The following ZNF445 variants were observed in gnomAD, a reference collection of about 807,000 sequenced individuals.
The protein encoded by ZNF445 is zinc finger protein 445.
In ZNF445, 19 loss-of-function variants were observed where a neutral mutation model predicts 93.9. The ratio of observed to expected loss-of-function variants is 0.20; its 90% confidence interval spans 0.14 to 0.30. ZNF445 has a LOEUF of 0.30. Ranked by LOEUF, ZNF445 falls within the 10% of genes least tolerant of loss-of-function variation. ZNF445 has a pLI of 1.00. For missense variants in ZNF445, 1,058 were observed against 1,259.4 expected, an observed-to-expected ratio of 0.84 and a Z score of 2.42; for synonymous variants, 449 against 446.3, an observed-to-expected ratio of 1.01 and a Z score of -0.08.
Position 44,431,776 on chromosome 3 carries a change from G to A in ZNF445, c.*14799C>T, listed in dbSNP as rs184729906. 179 of 152,060 alleles carry A rather than the reference G, an allele frequency of 1.2e-3. No individual in the cohort carries two copies. Among genetic ancestry groups the A allele is most frequent in the African/African-American group, 4.1e-3 (171 of 41,478 alleles). 9.4% of individuals were successfully genotyped at this position (152,060 alleles called of 1,614,324 possible). On this transcript the variant is annotated 3_prime_UTR_variant, in exon 8 of 8. Coordinates refer to ENST00000396077, the MANE Select transcript of ZNF445 (RefSeq NM_181489.6). Reference sequence around the variant, plus strand: ...CTATAAAGTACAAAAACAGGCAAAAGTAAACCATATTTAAAGATGTCTATA... The same window carrying A: ...CTATAAAGTACAAAAACAGGCAAAAATAAACCATATTTAAAGATGTCTATA...
chr3:44,451,101 G>T, intron 4 of ZNF445, 139 bp from the exon 5 acceptor site: 1 of 995,070 alleles, frequency 1.0e-6, no homozygotes, highest in Non-Finnish European at 1.5e-6. Flanking sequence ...CATGTCCTCA[G>T]TCTACTGGGG....
At chr3:44,449,423 T>C (rs1697927826) in intron 7 of ZNF445, 90 bp downstream of exon 7, 2 of 1,071,942 alleles carry the variant, frequency 1.9e-6, no homozygotes, top group Non-Finnish European at 2.9e-6. Flanking sequence ...CAGCAAACAA[T>C]GGAGTAAATT....
Position 44,448,112 on chromosome 3 carries a change from T to G in ZNF445, c.1559A>C (p.Lys520Thr). The G allele has an allele frequency of 6.2e-7, 1 of 1,613,966 alleles. No individual in the cohort carries two copies. The highest frequency in any genetic ancestry group is 1.1e-5 in the South Asian group (1 of 91,082). Residue 520 changes from lysine (K) to threonine (T), a missense_variant, in exon 8 of 8, where the codon AAA becomes ACA. Transcript: ENST00000396077. ...EKAFKCRVCG[K>T]AFRWSSNCAR... ...ACAGTTGGAACTCCACCGGAAGGCTTTCCCACACACCCTACATTTAAATGC... is the reference window on the plus strand; with the variant it reads ...ACAGTTGGAACTCCACCGGAAGGCTGTCCCACACACCCTACATTTAAATGC...
chr3:44,471,367 T>C lies in ZNF445; in HGVS notation c.-269+6224A>G, dbSNP rs1187327397. Among the ~76,000 whole-genome samples the C allele has an allele frequency of 2.6e-5, 4 of 152,186 alleles. No individual in the cohort carries two copies. The East Asian group carries it at 5.8e-4, about 22-fold the overall frequency. ...ACTGAACTGACAAACTAAAGACTCA[T>C]GAGAGAAGAACTGGAGTGTCTACAA... On this transcript the variant is annotated intron_variant, in intron 1 of 7. Transcript: ENST00000396077.
intron 2 of ZNF445, among the ~76,000 whole-genome samples, chr3:44,458,038 G>C (rs1365323250): frequency 7.3e-6 from 1 of 137,920 alleles, no homozygotes; most frequent in Non-Finnish European, 1.5e-5. Context: ...AAAAGGATCA[G>C]ACTTAAACGT....
intron 6 of ZNF445, 65 bp downstream of exon 6, chr3:44,450,382 G>C (rs1697940199): frequency 6.2e-7 from 1 of 1,607,352 alleles, no homozygotes; most frequent in East Asian, 2.2e-5. Context: ...TTTCTATGCA[G>C]CACAGAACAA....
intron 1 of ZNF445, among the ~76,000 whole-genome samples, chr3:44,473,285 T>C (rs1196888915): frequency 6.6e-6 from 1 of 151,798 alleles, no homozygotes; most frequent in Non-Finnish European, 1.5e-5. Context: ...AGAAACCCCG[T>C]CTCTACTAAA....
Position 44,448,316 on chromosome 3 carries a change from C to T in ZNF445, c.1355G>A (p.Ser452Asn). Residue 452 changes from serine (S) to asparagine (N), a missense_variant, in exon 8 of 8, where the codon AGT (serine) becomes AAT (asparagine). Transcript: ENST00000396077. ...GTCCTTTTTGTTCCCTTTCAGTCCA[C>T]TATGAATTCTCTGATGTAGGCTGAA... ...GGFSLHQRIH[S>N]GLKGNKKDVC... 6.2e-7 allele frequency: 1 copy of T among 1,614,184 alleles called. No individual in the cohort carries two copies. Among genetic ancestry groups the T allele is most frequent in the Non-Finnish European group, 8.5e-7 (1 of 1,180,036 alleles).
rs1273143673 is a variant in ZNF445 at position 44,447,008 on chromosome 3, C to T, written c.2663G>A (p.Arg888Lys). The T allele has an allele frequency of 1.2e-6, 2 of 1,614,214 alleles. No homozygotes were observed. The change falls in exon 8 of 8, where the codon AGG (arginine) becomes AAG (lysine). Residue 888 changes from arginine (R) to lysine (K), a missense_variant. Arg to Lys is a conservative substitution (Grantham distance 26, BLOSUM62 2). Coordinates refer to ENST00000396077, the MANE Select transcript of ZNF445 (RefSeq NM_181489.6). The surrounding 1 kb of genome is among the most constrained non-coding windows in gnomAD (Gnocchi z 4.7). ...GAAAGGTCTCTCTGTAGAGTGGATC[C>T]TCTGATGGTTAACAAGGCGATAGTT... ...DRNYRLVNHQRIHSTERPFKC... is the reference protein window; with the variant it reads ...DRNYRLVNHQKIHSTERPFKC...
rs754050204 is a variant in ZNF445 at position 44,448,197 on chromosome 3, T to C, written c.1474A>G (p.Arg492Gly). The change falls in exon 8 of 8, where the codon AGG (arginine) becomes GGG (glycine). Residue 492 changes from arginine to glycine, a missense_variant. Physicochemically the swap from Arg to Gly is moderately radical, Grantham distance 125. This residue lies in a region of ZNF445 where 657 missense variants were observed against 746.4 expected (regional missense o/e 0.88). Coordinates refer to ENST00000396077, the MANE Select transcript of ZNF445 (RefSeq NM_181489.6). ...GVSFKCSDCG[R>G]TFSHSSHLAY... ...AGATGGGAGCTATGACTGAAAGTCCTTCCACAGTCACTGCACTTAAATGAC... is the reference window on the plus strand; with the variant it reads ...AGATGGGAGCTATGACTGAAAGTCCCTCCACAGTCACTGCACTTAAATGAC... The C allele has an allele frequency of 3.7e-6, 6 of 1,614,116 alleles. No homozygotes were observed. The highest frequency in any genetic ancestry group is 5.1e-6 in the Non-Finnish European group (6 of 1,180,054).
Position 44,448,828 on chromosome 3 carries a change from G to A in ZNF445, c.932-89C>T, listed in dbSNP as rs572543027. The A allele has an allele frequency of 1.1e-4, 159 of 1,468,952 alleles. 1 individual carries two copies. The East Asian group carries it at 3.8e-3, about 35-fold the overall frequency. 91.0% of individuals were successfully genotyped at this position (1,468,952 alleles called of 1,614,324 possible). ...CAAAGGGCAATAAAATGTCTGGGTG[G>A]TGAGGCTTTTGCCTGACTGCCAATA... On this transcript the variant is annotated intron_variant, in intron 7 of 7. Coordinates refer to ENST00000396077, the MANE Select transcript of ZNF445 (RefSeq NM_181489.6).
chr3:44,457,123 C>T (rs1698038944), intron 2 of ZNF445, among the ~76,000 whole-genome samples: 4 of 152,076 alleles, frequency 2.6e-5, no homozygotes, highest in South Asian at 2.1e-4. Flanking sequence ...GGTAACAGAG[C>T]GAGACTCCAT....
chr3:44,465,669 T>A (rs753131384), intron 1 of ZNF445, among the ~76,000 whole-genome samples: 1 of 152,168 alleles, frequency 6.6e-6, no homozygotes, highest in African/African-American at 2.4e-5. Flanking sequence ...TCCTAGCACT[T>A]TGGGAGGCTG....
At position 44,434,023 on chromosome 3, in the gene ZNF445, C is replaced by T. The variant is rs572427328; in HGVS notation, c.*12552G>A. The T allele has an allele frequency of 2.2e-4, 33 of 152,148 alleles. No individual in the cohort carries two copies. Among genetic ancestry groups the T allele is most frequent in the African/African-American group, 8.0e-4 (33 of 41,506 alleles). The allele number at this position is 152,148 out of a possible 1,614,324, so 9.4% of individuals were successfully genotyped here. On this transcript the variant is annotated 3_prime_UTR_variant, in exon 8 of 8. Transcript: ENST00000396077. Reference sequence around the variant, plus strand: ...CCTTTGGAAAACAGTTTGGCATTTCCCCAAAATGTTAAATGTGGAATTATG... The same window carrying T: ...CCTTTGGAAAACAGTTTGGCATTTCTCCAAAATGTTAAATGTGGAATTATG...
intron 3 of ZNF445, 113 bp downstream of exon 3, chr3:44,455,008 G>A: frequency 7.6e-7 from 1 of 1,318,012 alleles, no homozygotes; most frequent in Non-Finnish European, 1.1e-6. Context: ...AGAAAGGAAG[G>A]CTTCCCCTGC....
chr3:44,447,834 G>C lies in ZNF445; in HGVS notation c.1837C>G (p.Leu613Val), dbSNP rs778720634. 6.2e-7 allele frequency: 1 copy of C among 1,614,104 alleles called. No individual in the cohort carries two copies. Reference protein sequence around the residue: ...RKSFHCKSYVLEHQRIHTQEK... With the variant: ...RKSFHCKSYVVEHQRIHTQEK... Reference sequence around the variant, plus strand: ...TGGGTGTGAATCCTTTGATGTTCAAGAACATATGACTTACAGTGGAAGGAT... The same window carrying C: ...TGGGTGTGAATCCTTTGATGTTCAACAACATATGACTTACAGTGGAAGGAT... Residue 613 changes from leucine (L) to valine (V), a missense_variant, in exon 8 of 8, where the codon CTT (leucine) becomes GTT (valine). Transcript: ENST00000396077. The surrounding 1 kb of genome is among the most constrained non-coding windows in gnomAD (Gnocchi z 4.7).
chr3:44,454,986 G>T, intron 3 of ZNF445, 135 bp downstream of exon 3: 4 of 1,114,592 alleles, frequency 3.6e-6, no homozygotes, highest in Non-Finnish European at 5.2e-6. Context: ...CAGCTGCTCA[G>T]GTACCATGGG....
intron 3 of ZNF445, among the ~76,000 whole-genome samples, chr3:44,453,142 G>T (rs1319899922): frequency 2.6e-5 from 4 of 151,840 alleles, no homozygotes; most frequent in Admixed American, 2.6e-4. Context: ...TCGATCTCTT[G>T]ACCTTGTGAT....
intron 1 of ZNF445, among the ~76,000 whole-genome samples, chr3:44,474,252 T>C (rs1575319677): frequency 6.6e-6 from 1 of 152,170 alleles, no homozygotes. Context: ...CGGTGGCTCA[T>C]GCCTGTAATC....
Sources: allele counts gnomAD v4.1 joint callset (sites outside exome capture counted in the v4.1 genomes callset), GRCh38; gene constraint gnomAD v4.1.1; regional missense constraint gnomAD v4.1.1; non-coding constraint Gnocchi (gnomAD v3.1); transcripts MANE v1.5; gene names NCBI Gene and HGNC (gene_info 2026-07-23, HGNC 2026-07-21).